Variants in PRDM11 observed in about 807,000 individuals in gnomAD.
The protein encoded by PRDM11 is PR domain-containing protein 11.
In PRDM11, 20 loss-of-function variants were observed where a neutral mutation model predicts 97.8. That is an observed-to-expected ratio of 0.20 (90% confidence interval 0.14 to 0.30). The LOEUF is 0.30. PRDM11 is among the 10% of genes least tolerant of loss of function. The probability of loss-of-function intolerance (pLI) is 1.00; values close to 1 mark genes in which losing one functional copy is unlikely to be tolerated. For synonymous variants in PRDM11, 599 were observed against 637.7 expected (o/e 0.94, Z 0.91); for missense variants, 1,139 against 1,555.2 (o/e 0.73, Z 4.50).
rs1266964982 is a variant in PRDM11, at chr11:45,182,213, T to G, written c.120-33T>G. ...TGGGCTCTCACTCTCTGATGACTTC[T>G]TTGCTTTCTTTGCGGGCCTCTGCCC... On this transcript the variant is annotated intron_variant, in intron 2 of 7. Coordinates refer to ENST00000683152, the MANE Select transcript of PRDM11 (RefSeq NM_001384648.1). 1.9e-6 allele frequency: 3 copies of G among 1,593,406 alleles called. No homozygotes were observed. In the South Asian group the frequency reaches 3.3e-5, roughly 18 times the overall value.
rs1854332867 is a variant in PRDM11 at position 45,228,520 on chromosome 11, G to A, written c.*361G>A. The stretch of plus-strand genomic sequence containing the variant: ...GACAGGTCTCTGTCATCACCTTTAG[G>A]TAGCTCATTTTGTTTATGTTTTCAT... On this transcript the variant is annotated 3_prime_UTR_variant, in exon 8 of 8. Transcript: ENST00000683152. 6.6e-6 allele frequency: 1 copy of A among 151,906 alleles called. No individual in the cohort carries two copies. Among genetic ancestry groups the A allele is most frequent in the Non-Finnish European group, 1.5e-5 (1 of 68,002 alleles). The allele number at this position is 151,906 out of a possible 1,614,324, so 9.4% of individuals were successfully genotyped here.
intron 1 of PRDM11, among the ~76,000 whole-genome samples, chr11:45,119,643 A>C (rs889120962): frequency 2.7e-5 from 4 of 147,198 alleles, no homozygotes; most frequent in Non-Finnish European, 4.5e-5. Context: ...AAAAAAAAAA[A>C]AAAAAACACC....
In PRDM11 at chr11:45,173,589, T is replaced by C. The variant is rs149521227; in HGVS notation, c.-6-8172T>C. ...GTGAGCCGAGATCACGCCACTGCAT[T>C]CCAGCCTGGACAACAAGAGAGAAAC... is the stretch of plus-strand genomic sequence containing the variant. On this transcript the variant is annotated intron_variant, in intron 1 of 7. Transcript: ENST00000683152. 7.6e-3 allele frequency among the ~76,000 whole-genome samples: 1,114 copies of C among 147,250 alleles called. 10 individuals are homozygous for C. Among genetic ancestry groups the C allele is most frequent in the African/African-American group, 0.027 (1,067 of 39,504 alleles).
intron 5 of PRDM11, among the ~76,000 whole-genome samples, chr11:45,218,501 T>C (rs1854020379): frequency 6.6e-6 from 1 of 152,254 alleles, no homozygotes; most frequent in African/African-American, 2.4e-5. Context: ...CAGATATAAT[T>C]CATTGGGCTA....
At chr11:45,152,843 G>C (rs956008210) in intron 1 of PRDM11, among the ~76,000 whole-genome samples, 7 of 152,198 alleles carry the variant, frequency 4.6e-5, no homozygotes, top group African/African-American at 1.7e-4. Flanking sequence ...ACTTGGCCTT[G>C]ACTAGGCTGT....
intron 1 of PRDM11, among the ~76,000 whole-genome samples, chr11:45,178,758 C>G (rs764841833): frequency 6.6e-6 from 1 of 152,196 alleles, no homozygotes; most frequent in Non-Finnish European, 1.5e-5. Context: ...AGGTGCCAGT[C>G]CTGCAAGCGT....
At chr11:45,134,856 CTT>C (rs1223459038) in intron 1 of PRDM11, among the ~76,000 whole-genome samples, 4 of 151,504 alleles carry the variant, frequency 2.6e-5, no homozygotes, top group African/African-American at 9.7e-5. Flanking sequence ...TCAAAGATGA[CTT>C]AATAATTATC....
chr11:45,143,249 C>A (rs1413480112), upstream of PRDM11, among the ~76,000 whole-genome samples: 3 of 152,132 alleles, frequency 2.0e-5, no homozygotes, highest in Admixed American at 2.0e-4. Flanking sequence ...AAGTGAATCC[C>A]CAGTGACTCT....
upstream of PRDM11, among the ~76,000 whole-genome samples, chr11:45,095,394 T>C (rs1310195194): frequency 1.3e-5 from 2 of 152,198 alleles, no homozygotes; most frequent in Admixed American, 1.3e-4. Flanking sequence ...TGCTCCCCGC[T>C]GCTATCTGCT....
intron 1 of PRDM11, among the ~76,000 whole-genome samples, 162 bp downstream of exon 1, chr11:45,147,039 A>G (rs1334122296): frequency 7.2e-6 from 1 of 139,440 alleles, no homozygotes; most frequent in Admixed American, 7.0e-5. Context: ...GGGGGTCCGG[A>G]CGGCGCCGGC....
rs1554976395 is a variant in PRDM11, at chr11:45,228,265, T to TA, written c.*106_*107insA. On this transcript the variant is annotated 3_prime_UTR_variant, in exon 8 of 8. Coordinates refer to ENST00000683152, the MANE Select transcript of PRDM11 (RefSeq NM_001384648.1). ...ATATATTATATTATATTATATTATA[T>TA]TATATATATATATATATATAAACTC... 0.01 allele frequency: 1,200 copies of TA among 119,094 alleles called. 2 individuals carry two copies. Among genetic ancestry groups the TA allele is most frequent in the South Asian group, 0.02 (61 of 3,088 alleles). The allele number at this position is 119,094 out of a possible 1,614,324, so 7.4% of individuals were successfully genotyped here.
At chr11:45,212,876 C>T (rs1420611788) in intron 5 of PRDM11, 2 of 432,608 alleles carry the variant, frequency 4.6e-6, no homozygotes, top group South Asian at 1.7e-5. Context: ...GACAGAGATC[C>T]GGGATGGGGT....
intron 3 of PRDM11, 35 bp downstream of exon 3, chr11:45,182,384 C>T (rs369463340): frequency 2.5e-6 from 4 of 1,572,970 alleles, no homozygotes; most frequent in Non-Finnish European, 3.5e-6. Flanking sequence ...CTGCTCCTCC[C>T]TTCACCCCCA....
chr11:45,214,466 T>TC (rs1456266965), intron 5 of PRDM11: 2 of 151,874 alleles, frequency 1.3e-5, no homozygotes, highest in Non-Finnish European at 2.9e-5. Flanking sequence ...CCAAGGCTGT[T>TC]CCTGGAGCGC....
At chr11:45,225,085 T>C in intron 7 of PRDM11, 1 of 1,436,588 alleles carries the variant, frequency 7.0e-7, no homozygotes, top group Non-Finnish European at 9.1e-7. Context: ...GAAGTTCCGC[T>C]GCAGAAGGGG....
chr11:45,096,470 T>A (rs967589584), intron 1 of PRDM11, among the ~76,000 whole-genome samples: 2 of 152,206 alleles, frequency 1.3e-5, no homozygotes, highest in Non-Finnish European at 2.9e-5. Context: ...TAATCTCAGA[T>A]CCCAGAGATC....
chr11:45,227,484 A>G lies in PRDM11; in HGVS notation c.2859A>G (p.Glu953=). The G allele has an allele frequency of 1.3e-6, 2 of 1,533,844 alleles. No homozygotes were observed. The highest frequency in any genetic ancestry group is 4.6e-4 in the Middle Eastern group (2 of 4,358). ...GIAMKNLRVA[E]AKFQSIREKI... ...CCATGAAGAACCTCAGGGTGGCTGAAGCCAAGTTCCAGTCCATCAGGGAGA... is the reference window on the plus strand; with the variant it reads ...CCATGAAGAACCTCAGGGTGGCTGAGGCCAAGTTCCAGTCCATCAGGGAGA... The change falls in exon 8 of 8, where the codon GAA becomes GAG. Residue 953 remains glutamate (E), a synonymous_variant. Coordinates refer to ENST00000683152, the MANE Select transcript of PRDM11 (RefSeq NM_001384648.1). This position sits in a 1 kb window ranked among gnomAD's most constrained non-coding sequence, Gnocchi z 8.0.
chr11:45,103,898 C>A (rs1403933893), intron 1 of PRDM11, among the ~76,000 whole-genome samples: 1 of 152,000 alleles, frequency 6.6e-6, no homozygotes, highest in African/African-American at 2.4e-5. Context: ...CAGGGCCTGG[C>A]ACCAAGTCAG....
At chr11:45,096,783 C>T (rs755023116) in intron 1 of PRDM11, among the ~76,000 whole-genome samples, 3 of 152,160 alleles carry the variant, frequency 2.0e-5, no homozygotes, top group Non-Finnish European at 4.4e-5. Context: ...AACAGAAATG[C>T]CTTTTTCTAC....
Sources: allele counts gnomAD v4.1 joint callset (sites outside exome capture counted in the v4.1 genomes callset), GRCh38; gene constraint gnomAD v4.1.1; non-coding constraint Gnocchi (gnomAD v3.1); transcripts MANE v1.5; gene names NCBI Gene and HGNC (gene_info 2026-07-23, HGNC 2026-07-21).